The following SNX3 variants were observed in gnomAD, a reference collection of about 807,000 sequenced individuals.
SNX3 encodes sorting nexin-3.
Under a neutral mutation model 17.7 loss-of-function variants are expected in SNX3, and 5 were observed. That is an observed-to-expected ratio of 0.28 (90% CI 0.15 to 0.59). The LOEUF is 0.59. SNX3 is among the 20% of genes least tolerant of loss of function. The pLI is 0.88. For missense variants in SNX3, 132 were observed against 206.8 expected (o/e 0.64, Z 2.22); for synonymous variants, 91 against 76.5 (o/e 1.19, Z -0.99).
intron 1 of SNX3, among the ~76,000 whole-genome samples, chr6:108,259,805 G>C (rs950664270): frequency 6.6e-6 from 1 of 152,144 alleles, no homozygotes; most frequent in African/African-American, 2.4e-5. Flanking sequence ...AATGTTAATA[G>C]TAGCTTGTCA....
intron 1 of SNX3, 47 bp downstream of exon 1, chr6:108,260,713 A>G (rs770169485): frequency 6.2e-7 from 1 of 1,609,972 alleles, no homozygotes; most frequent in Non-Finnish European, 8.5e-7. Context: ...GGGGGTGACC[A>G]GAGCCAGCGG....
intron 1 of SNX3, among the ~76,000 whole-genome samples, chr6:108,231,004 GC>G (rs1775129435): frequency 6.6e-6 from 1 of 151,664 alleles, no homozygotes; most frequent in Non-Finnish European, 1.5e-5. Context: ...AAGAAGACAG[GC>G]AAAAAAAGAG....
chr6:108,239,540 C>T (rs1775455349), intron 1 of SNX3, among the ~76,000 whole-genome samples: 1 of 152,216 alleles, frequency 6.6e-6, no homozygotes, highest in South Asian at 2.1e-4. Flanking sequence ...CACACATTCT[C>T]ACAAGTTATC....
rs1016036543 is a variant in SNX3, at chr6:108,226,310, G to A, written c.163-3265C>T. The stretch of plus-strand genomic sequence containing the variant: ...GCTGGTCTTGAACTCCTGAGTACAC[G>A]CAATCCATCTGTATTGGACTCCCAA... On this transcript the variant is annotated intron_variant, in intron 1 of 3. Coordinates refer to ENST00000230085, the MANE Select transcript of SNX3 (RefSeq NM_003795.6). 4.6e-5 allele frequency among the ~76,000 whole-genome samples: 7 copies of A among 152,248 alleles called. 1 individual carries two copies. The South Asian group carries it at 1.0e-3, about 23-fold the overall frequency.
chr6:108,233,688 G>A (rs564583963), intron 1 of SNX3, among the ~76,000 whole-genome samples: 1 of 152,316 alleles, frequency 6.6e-6, no homozygotes, highest in East Asian at 1.9e-4. Flanking sequence ...GGCGGAGGTT[G>A]CAGTGAGCCA....
At chr6:108,212,777 G>A (rs1292450543) in intron 3 of SNX3, among the ~76,000 whole-genome samples, 3 of 151,826 alleles carry the variant, frequency 2.0e-5, no homozygotes, top group Non-Finnish European at 2.9e-5. Context: ...TTCACTGCTT[G>A]TGGCACATGT....
rs558086171 is a variant in SNX3 at position 108,221,668 on chromosome 6, T to G, written c.258+1282A>C. ...TCAAAGTGATCCTCTTGCCTCAGCC[T>G]CCTGAGTGCTGGGACTACAGGTGCA... On this transcript the variant is annotated intron_variant, in intron 2 of 3. Transcript: ENST00000230085. Among the ~76,000 whole-genome samples, 137 of 147,444 alleles carry G rather than the reference T, an allele frequency of 9.3e-4. 2 individuals carry two copies. The highest frequency in any genetic ancestry group is 3.6e-3 in the Middle Eastern group (1 of 280).
At chr6:108,222,173 G>A (rs1034383815) in intron 2 of SNX3, 5 of 1,261,430 alleles carry the variant, frequency 4.0e-6, no homozygotes, top group Admixed American at 5.6e-5. Flanking sequence ...CTTGAGAAAT[G>A]AGTACAGACT....
chr6:108,225,832 T>C (rs957366974), intron 1 of SNX3, among the ~76,000 whole-genome samples: 5 of 151,440 alleles, frequency 3.3e-5, no homozygotes, highest in African/African-American at 1.2e-4. Context: ...GGCCAAGAGT[T>C]ACCAGCCTGG....
intron 1 of SNX3, among the ~76,000 whole-genome samples, chr6:108,250,517 G>A (rs1056233156): frequency 6.6e-6 from 1 of 152,128 alleles, no homozygotes; most frequent in African/African-American, 2.4e-5. Flanking sequence ...TACCATGGGG[G>A]AATCTTTGGG....
At chr6:108,249,578 A>G (rs1473824720) in intron 1 of SNX3, among the ~76,000 whole-genome samples, 2 of 152,182 alleles carry the variant, frequency 1.3e-5, no homozygotes, top group Non-Finnish European at 2.9e-5. Context: ...CCTGCTGCCC[A>G]CTAGTTTATC....
Position 108,212,051 on chromosome 6 carries a change from G to A in SNX3, c.*98C>T, listed in dbSNP as rs1774421768. 3.1e-6 allele frequency: 2 copies of A among 647,112 alleles called. No individual in the cohort carries two copies. Among genetic ancestry groups the A allele is most frequent in the African/African-American group, 1.9e-5 (1 of 53,702 alleles). The allele number at this position is 647,112 out of a possible 1,614,324, so 40.1% of individuals were successfully genotyped here. ...ATGAGTGTTAGTATACTGAAGGCAT[G>A]TTATACCAGTTTCTGTGCAGCATGC... On this transcript the variant is annotated 3_prime_UTR_variant, in exon 4 of 4. Transcript: ENST00000230085.
chr6:108,214,195 GA>G (rs1774495781), intron 3 of SNX3, among the ~76,000 whole-genome samples: 1 of 152,118 alleles, frequency 6.6e-6, no homozygotes, highest in South Asian at 2.1e-4. Flanking sequence ...CCTTAAATCA[GA>G]AAGAATCATA....
intron 1 of SNX3, among the ~76,000 whole-genome samples, chr6:108,235,389 C>CAG (rs1775297153): frequency 6.6e-6 from 1 of 152,172 alleles, no homozygotes; most frequent in South Asian, 2.1e-4. Flanking sequence ...TCAAGTGGAA[C>CAG]AGAGACAAGC....
chr6:108,246,198 T>C (rs1044971527), intron 1 of SNX3, among the ~76,000 whole-genome samples: 5 of 151,898 alleles, frequency 3.3e-5, no homozygotes, highest in Admixed American at 3.3e-4. Context: ...AAATAGGGAA[T>C]CCTTTCCCTA....
intron 2 of SNX3, among the ~76,000 whole-genome samples, chr6:108,220,080 GTGTC>G (rs1774708565): frequency 6.6e-6 from 1 of 152,164 alleles, no homozygotes; most frequent in African/African-American, 2.4e-5. Context: ...TTTGTTCAAT[GTGTC>G]TGTGTTTTAA....
chr6:108,231,863 C>G (rs1775169926), intron 1 of SNX3, among the ~76,000 whole-genome samples: 1 of 152,192 alleles, frequency 6.6e-6, no homozygotes, highest in African/African-American at 2.4e-5. Context: ...GCCCCACTCC[C>G]TGCCAAATAC....
At chr6:108,224,153 G>A (rs1206714073) in intron 1 of SNX3, among the ~76,000 whole-genome samples, 1 of 152,070 alleles carries the variant, frequency 6.6e-6, no homozygotes, top group Non-Finnish European at 1.5e-5. Context: ...TCTTCTCCCA[G>A]AGACAGGGTC....
At chr6:108,241,905 A>G (rs1183606763) in intron 1 of SNX3, among the ~76,000 whole-genome samples, 1 of 152,224 alleles carries the variant, frequency 6.6e-6, no homozygotes, top group Admixed American at 6.5e-5. Context: ...AGCAGCTATC[A>G]ATATGTTCAA....
Sources: gnomAD v4.1 joint callset for allele counts (sites outside exome capture counted in the v4.1 genomes callset) on GRCh38, gnomAD v4.1.1 for gene constraint, MANE v1.5 for transcripts, NCBI Gene and HGNC (gene_info 2026-07-23, HGNC 2026-07-21) for gene names.